ME1: variants seen among roughly 807,000 people sequenced by gnomAD.
The protein encoded by ME1 is NADP-dependent malic enzyme.
In ME1, 74 loss-of-function variants were observed where a neutral mutation model predicts 66.4. The observed-to-expected ratio is 1.11, with a 90% CI of 0.92 to 1.35. The LOEUF (loss-of-function observed/expected upper bound fraction) is 1.35, where lower values mean the gene tolerates loss of function less well. Among genes scored for constraint, ME1 ranks in the 40% most tolerant of loss-of-function variants. ME1 has a pLI of 0.00. For missense variants in ME1, 750 were observed against 694.1 expected (o/e 1.08, Z -0.90); for synonymous variants, 251 against 235.6 (o/e 1.07, Z -0.60).
rs140684669 is a variant in ME1, at chr6:83,430,082, C to T, written c.78+795G>A. Among the ~76,000 whole-genome samples the T allele has an allele frequency of 3.0e-3, 461 of 152,018 alleles. 3 individuals are homozygous for T. The highest frequency in any genetic ancestry group is 6.8e-3 in the Middle Eastern group (2 of 294). On this transcript the variant is annotated intron_variant, in intron 1 of 13. Coordinates refer to ENST00000369705, the MANE Select transcript of ME1 (RefSeq NM_002395.6). ...AGGAAAATGAAATGTTACCAGGATCCGAAAAGGAGTCTCTGAACAGGGTGT... is the reference window on the plus strand; with the variant it reads ...AGGAAAATGAAATGTTACCAGGATCTGAAAAGGAGTCTCTGAACAGGGTGT...
chr6:83,324,716 CAAAAAAAAAA>C (rs55866196), intron 5 of ME1, among the ~76,000 whole-genome samples: 6 of 49,306 alleles, frequency 1.2e-4, no homozygotes, highest in African/African-American at 3.1e-4. Flanking sequence ...GCCTACCAAC[CAAAAAAAAAA>C]AAAAAAAAAA....
chr6:83,313,685 CA>C (rs1767971317), intron 6 of ME1, among the ~76,000 whole-genome samples: 1 of 152,098 alleles, frequency 6.6e-6, no homozygotes, highest in Non-Finnish European at 1.5e-5. Context: ...TGGATAATTT[CA>C]AAACCTTACA....
intron 3 of ME1, among the ~76,000 whole-genome samples, chr6:83,367,190 GT>G (rs1466791996): frequency 3.3e-5 from 5 of 152,054 alleles, no homozygotes; most frequent in Non-Finnish European, 7.4e-5. Flanking sequence ...TGAGCAGTAT[GT>G]CTTAACAGTG....
At chr6:83,329,757 T>A (rs574201622) in intron 5 of ME1, among the ~76,000 whole-genome samples, 1 of 152,304 alleles carries the variant, frequency 6.6e-6, no homozygotes, top group South Asian at 2.1e-4. Context: ...CCTTAGGCAA[T>A]TTGTATAGTG....
chr6:83,306,826 T>C (rs1436177430), intron 6 of ME1, among the ~76,000 whole-genome samples: 1 of 152,116 alleles, frequency 6.6e-6, no homozygotes, highest in Non-Finnish European at 1.5e-5. Context: ...ACACAGCTTA[T>C]ATTCTAGTAA....
chr6:83,376,477 A>C (rs1769290270), intron 3 of ME1, among the ~76,000 whole-genome samples: 1 of 149,918 alleles, frequency 6.7e-6, no homozygotes, highest in Non-Finnish European at 1.5e-5. Context: ...CCTGGGCAAC[A>C]AGAGTGAAAC....
Position 83,398,469 on chromosome 6 carries a change from TA to T in ME1, c.259del (p.Tyr87IlefsTer4). The T allele has an allele frequency of 6.3e-7, 1 of 1,584,456 alleles. No homozygotes were observed. The highest frequency in any genetic ancestry group is 8.6e-7 in the Non-Finnish European group (1 of 1,161,194). The stretch of plus-strand genomic sequence containing the variant: ...CTCAATGTCAGATGTCAGCACTCTA[TA>T]AAAGAGTTTTTCATTTCTATCTTGG... ...DLQDRNEKLF[Y>X]RVLTSDIEKF... On this transcript the variant is annotated frameshift_variant, in exon 3 of 14. Transcript: ENST00000369705. LOFTEE classifies it high-confidence loss of function.
chr6:83,325,824 C>T (rs754198894), intron 5 of ME1, among the ~76,000 whole-genome samples: 3 of 151,222 alleles, frequency 2.0e-5, no homozygotes, highest in Non-Finnish European at 4.4e-5. Context: ...TTATTCCCAT[C>T]AAACTACCAC....
chr6:83,297,272 A>G (rs986635232), intron 6 of ME1, among the ~76,000 whole-genome samples: 3 of 152,208 alleles, frequency 2.0e-5, no homozygotes, highest in Non-Finnish European at 2.9e-5. Context: ...AGACCTCTAT[A>G]CTGACAACTA....
intron 4 of ME1, among the ~76,000 whole-genome samples, chr6:83,351,441 G>A (rs571863606): frequency 8.5e-4 from 129 of 152,210 alleles, no homozygotes; most frequent in Non-Finnish European, 1.2e-3. Flanking sequence ...AGATGGCATA[G>A]CCCTGTGTCT....
At chr6:83,265,653 T>A (rs1318346198) in intron 6 of ME1, among the ~76,000 whole-genome samples, 4 of 152,146 alleles carry the variant, frequency 2.6e-5, no homozygotes, top group Non-Finnish European at 5.9e-5. Context: ...CTTGCTTTAT[T>A]GTAGTATTTG....
intron 5 of ME1, among the ~76,000 whole-genome samples, chr6:83,341,531 G>C (rs1446933154): frequency 6.6e-6 from 1 of 151,936 alleles, no homozygotes; most frequent in Non-Finnish European, 1.5e-5. Context: ...CTTTTATAAA[G>C]GGAACAAATA....
chr6:83,353,189 G>T (rs760015907), intron 3 of ME1, among the ~76,000 whole-genome samples: 1 of 152,122 alleles, frequency 6.6e-6, no homozygotes, highest in African/African-American at 2.4e-5. Context: ...ATTGAAAATT[G>T]AATCTAGAAG....
intron 6 of ME1, among the ~76,000 whole-genome samples, chr6:83,283,356 G>T (rs1767341370): frequency 6.6e-6 from 1 of 151,492 alleles, no homozygotes; most frequent in South Asian, 2.1e-4. Context: ...TCACTCATAA[G>T]TGGGAAATGA....
chr6:83,417,909 A>G (rs1173484986), intron 1 of ME1, among the ~76,000 whole-genome samples: 1 of 152,188 alleles, frequency 6.6e-6, no homozygotes, highest in Non-Finnish European at 1.5e-5. Context: ...TTGTAATATT[A>G]TGTATACTGT....
chr6:83,427,896 C>T lies in ME1; in HGVS notation c.78+2981G>A, dbSNP rs534513094. 2.6e-5 allele frequency among the ~76,000 whole-genome samples: 4 copies of T among 151,936 alleles called. No individual in the cohort carries two copies. In the South Asian group the frequency reaches 8.3e-4, roughly 32 times the overall value. ...GCATAGTGGCACATGCCTGTAATCTCAGCTACTCAGGAGGCTGAGGCACAA... is the reference window on the plus strand; with the variant it reads ...GCATAGTGGCACATGCCTGTAATCTTAGCTACTCAGGAGGCTGAGGCACAA... On this transcript the variant is annotated intron_variant, in intron 1 of 13. Coordinates refer to ENST00000369705, the MANE Select transcript of ME1 (RefSeq NM_002395.6).
chr6:83,405,725 T>TTTG (rs1769928693), intron 2 of ME1, among the ~76,000 whole-genome samples: 1 of 134,102 alleles, frequency 7.5e-6, no homozygotes, highest in African/African-American at 3.1e-5. Flanking sequence ...TGTTGTTGTT[T>TTTG]TTTTTTTTTT....
At position 83,223,769 on chromosome 6, in the gene ME1, A is replaced by G. The variant is rs1790134916; in HGVS notation, c.1440T>C (p.Thr480=). Residue 480 remains threonine, a synonymous_variant, in exon 12 of 14, where the codon ACT becomes ACC. Coordinates refer to ENST00000369705, the MANE Select transcript of ME1 (RefSeq NM_002395.6). ...GAGGATTTTACAATACCTCAGCAGTAGTGAGGAAAATATTATCTGTGATCT... is the reference window on the plus strand; with the variant it reads ...GAGGATTTTACAATACCTCAGCAGTGGTGAGGAAAATATTATCTGTGATCT... The part of the protein sequence containing the change: ...LRQITDNIFL[T]TAEVIAQQVS... 2 of 1,613,388 alleles carry G rather than the reference A, an allele frequency of 1.2e-6. No homozygotes were observed. The highest frequency in any genetic ancestry group is 3.3e-5 in the Admixed American group (2 of 59,978).
At chr6:83,388,080 TTCCTTCCTTCC>T (rs1316951532) in intron 3 of ME1, among the ~76,000 whole-genome samples, 1 of 131,666 alleles carries the variant, frequency 7.6e-6, no homozygotes, top group African/African-American at 2.8e-5. Flanking sequence ...CCTTCTTTCC[TTCCTTCCTTCC>T]TTTTTTTTTT....
Sources: gnomAD v4.1 joint callset for allele counts (sites outside exome capture counted in the v4.1 genomes callset) on GRCh38, gnomAD v4.1.1 for gene constraint, MANE v1.5 for transcripts, NCBI Gene and HGNC (gene_info 2026-07-23, HGNC 2026-07-21) for gene names.